The following CLCN6 variants were observed in gnomAD, a reference collection of about 807,000 sequenced individuals.
CLCN6 encodes the protein H(+)/Cl(-) exchange transporter 6.
In CLCN6, 70 loss-of-function variants were observed where a neutral mutation model predicts 109.8. The ratio of observed to expected loss-of-function variants is 0.64; its 90% CI spans 0.53 to 0.78. The LOEUF (loss-of-function observed/expected upper bound fraction) is 0.78, where lower values mean the gene tolerates loss of function less well. Ranked by LOEUF, CLCN6 falls within the 30% of genes least tolerant of loss-of-function variation. The probability of loss-of-function intolerance (pLI) is 0.00; values close to 1 mark genes in which losing one functional copy is unlikely to be tolerated. For missense variants in CLCN6, 984 were observed against 1,142.3 expected (o/e 0.86, Z 2.00); for synonymous variants, 444 against 447.8 (o/e 0.99, Z 0.11).
intron 6 of CLCN6, among the ~76,000 whole-genome samples, chr1:11,823,329 T>C (rs1557784212): frequency 1.3e-5 from 2 of 148,186 alleles, no homozygotes. Flanking sequence ...AATACAAAAT[T>C]AGCCGGGCGT....
At chr1:11,830,900 C>G (rs1032166027) in intron 13 of CLCN6, among the ~76,000 whole-genome samples, 4 of 151,892 alleles carry the variant, frequency 2.6e-5, no homozygotes, top group African/African-American at 9.7e-5. Context: ...GTGGCGCGAT[C>G]TTGGCCCACT....
At chr1:11,811,720 A>C (rs1483958572) in intron 2 of CLCN6, among the ~76,000 whole-genome samples, 2 of 152,128 alleles carry the variant, frequency 1.3e-5, no homozygotes, top group Non-Finnish European at 2.9e-5. Flanking sequence ...TCATCACCTG[A>C]GAGGAAACCC....
At position 11,828,643 on chromosome 1, in the gene CLCN6, C is replaced by T. The variant is rs781509292; in HGVS notation, c.1121+19C>T. Reference sequence around the variant, plus strand: ...TCGTCAGGTATCTGCACAGTCGCCTCCCCCCCGAGCCTGCTGCGGCTCCCT... The same window carrying T: ...TCGTCAGGTATCTGCACAGTCGCCTTCCCCCCGAGCCTGCTGCGGCTCCCT... On this transcript the variant is annotated intron_variant, in intron 12 of 22. Transcript: ENST00000346436. The T allele has an allele frequency of 7.0e-6, 11 of 1,570,652 alleles. No individual in the cohort carries two copies. Among genetic ancestry groups the T allele is most frequent in the South Asian group, 2.4e-5 (2 of 84,206 alleles).
intron 8 of CLCN6, 46 bp downstream of exon 8, chr1:11,824,599 G>A (rs776527925): frequency 7.1e-6 from 11 of 1,546,690 alleles, no homozygotes; most frequent in African/African-American, 1.4e-5. Context: ...GGCCTAGTGG[G>A]AGGTCTGGTT....
At chr1:11,829,648 G>A (rs1311204880) in intron 13 of CLCN6, among the ~76,000 whole-genome samples, 1 of 145,626 alleles carries the variant, frequency 6.9e-6, no homozygotes, top group Non-Finnish European at 1.5e-5. Flanking sequence ...CGTCACAGAG[G>A]GGAACCTGGG....
chr1:11,824,319 C>T (rs1461726312), intron 7 of CLCN6, among the ~76,000 whole-genome samples, 167 bp from the exon 8 acceptor site: 1 of 152,226 alleles, frequency 6.6e-6, no homozygotes, highest in Non-Finnish European at 1.5e-5. Flanking sequence ...TCTCTTCTAG[C>T]AAGACTTGAA....
intron 3 of CLCN6, 174 bp downstream of exon 3, chr1:11,816,085 A>T (rs1254202561): frequency 1.7e-6 from 1 of 578,026 alleles, no homozygotes. Context: ...CAGGTACTGC[A>T]GGTTTTACAA....
In CLCN6 at chr1:11,816,650, G is replaced by A. The variant is rs757917341; in HGVS notation, c.249G>A (p.Val83=). Residue 83 remains valine (V), a synonymous_variant, in exon 4 of 23, where the codon GTG becomes GTA. Coordinates refer to ENST00000346436, the MANE Select transcript of CLCN6 (RefSeq NM_001286.5). ...GATATGAGGCGGTGAAGTGGATGGT[G>A]GTGTTTGCCATTGGAGTCTGCACTG... ...GRRYEAVKWM[V]VFAIGVCTGL... The A allele has an allele frequency of 9.3e-6, 15 of 1,613,190 alleles. No homozygotes were observed. In the Middle Eastern group the frequency reaches 9.9e-4, roughly 106 times the overall value.
At position 11,840,225 on chromosome 1, in the gene CLCN6, A is replaced by G. The variant is rs756933288; in HGVS notation, c.*2A>G. ...AGGCAGCACTACCAGACCATCTGAC[A>G]GCCCAGCCCACCCTCTCCTGGTGCT... On this transcript the variant is annotated 3_prime_UTR_variant, in exon 23 of 23. Transcript: ENST00000346436. 21 of 1,611,500 alleles carry G rather than the reference A, an allele frequency of 1.3e-5. No homozygotes were observed. The highest frequency in any genetic ancestry group is 1.6e-5 in the Non-Finnish European group (19 of 1,179,462).
chr1:11,827,430 CTTTTTTTTTTTT>C (rs59015951), intron 10 of CLCN6, among the ~76,000 whole-genome samples: 1 of 105,020 alleles, frequency 9.5e-6, no homozygotes, highest in Non-Finnish European at 1.9e-5. Flanking sequence ...ACCGCTGTTA[CTTTTTTTTTTTT>C]TTTTTTTTTT....
intron 2 of CLCN6, among the ~76,000 whole-genome samples, chr1:11,810,780 A>G (rs1644588471): frequency 7.0e-6 from 1 of 143,596 alleles, no homozygotes; most frequent in South Asian, 2.1e-4. Flanking sequence ...TTAAAAAAAA[A>G]AGAAGCGTGG....
chr1:11,836,947 C>T (rs1644957514), intron 18 of CLCN6, 52 bp from the exon 19 acceptor site: 14 of 1,594,822 alleles, frequency 8.8e-6, no homozygotes, highest in Non-Finnish European at 8.5e-6. Context: ...TCCATCAGTA[C>T]TGCTGTGTTC....
chr1:11,814,374 C>G (rs114083374), intron 2 of CLCN6, among the ~76,000 whole-genome samples: 10 of 151,746 alleles, frequency 6.6e-5, no homozygotes, highest in African/African-American at 2.4e-4. Flanking sequence ...CCTAGCCTCC[C>G]GAGTAGCTGG....
intron 2 of CLCN6, among the ~76,000 whole-genome samples, chr1:11,815,543 G>A (rs1053689213): frequency 7.9e-5 from 12 of 152,102 alleles, no homozygotes; most frequent in East Asian, 5.8e-4. Context: ...CTACAGGTGC[G>A]CGCCACCATG....
chr1:11,810,568 A>G (rs1005892885), intron 2 of CLCN6, among the ~76,000 whole-genome samples: 2 of 152,186 alleles, frequency 1.3e-5, no homozygotes, highest in African/African-American at 2.4e-5. Flanking sequence ...TTTTGCTCGT[A>G]ACCCCCTGTA....
chr1:11,835,101 A>C (rs1475093720), intron 17 of CLCN6, among the ~76,000 whole-genome samples: 1 of 152,106 alleles, frequency 6.6e-6, no homozygotes, highest in Non-Finnish European at 1.5e-5. Flanking sequence ...GTTTCTGTGG[A>C]GGGCCAGACA....
At chr1:11,832,260 A>G (rs1273905040) in intron 13 of CLCN6, among the ~76,000 whole-genome samples, 4 of 152,218 alleles carry the variant, frequency 2.6e-5, no homozygotes, top group Admixed American at 1.3e-4. Flanking sequence ...ATCCTTCTCA[A>G]CGTCACTAGA....
Position 11,841,332 on chromosome 1 carries a change from C to T in CLCN6, c.*1109C>T, listed in dbSNP as rs1645020169. On this transcript the variant is annotated 3_prime_UTR_variant, in exon 23 of 23. Coordinates refer to ENST00000346436, the MANE Select transcript of CLCN6 (RefSeq NM_001286.5). ...TACAGAGGCCCTTCAGGAGGGCCTC[C>T]TGTGCCGCAGGGAGGGTGCGTGGGG... 6.6e-6 allele frequency: 1 copy of T among 152,666 alleles called. No homozygotes were observed. Among genetic ancestry groups the T allele is most frequent in the Non-Finnish European group, 1.5e-5 (1 of 68,048 alleles). 9.5% of individuals were successfully genotyped at this position (152,666 alleles called of 1,614,324 possible).
chr1:11,819,171 A>C (rs1169659748), intron 4 of CLCN6, among the ~76,000 whole-genome samples: 3 of 152,218 alleles, frequency 2.0e-5, no homozygotes, highest in African/African-American at 7.2e-5. Flanking sequence ...GGAAGCCAAA[A>C]GAGTAGACAC....
Sources: allele counts gnomAD v4.1 joint callset (sites outside exome capture counted in the v4.1 genomes callset), GRCh38; gene constraint gnomAD v4.1.1; transcripts MANE v1.5; gene names NCBI Gene and HGNC (gene_info 2026-07-23, HGNC 2026-07-21).